Variants in MYCBPAP observed in about 807,000 individuals in gnomAD.
MYCBPAP encodes the protein MYCBP-associated protein.
MYCBPAP carries 60 observed loss-of-function variants against 106.1 expected under a neutral mutation model. The ratio of observed to expected loss-of-function variants is 0.57; its 90% CI spans 0.46 to 0.70. The LOEUF is 0.70. MYCBPAP is among the 30% of genes least tolerant of loss of function. The pLI is 0.00. For synonymous variants in MYCBPAP, 407 were observed against 440.6 expected (o/e 0.92, Z 0.95); for missense variants, 1,064 against 1,169.3 (o/e 0.91, Z 1.31).
chr17:50,524,954 G>A lies in MYCBPAP; in HGVS notation c.1713G>A (p.Pro571=), dbSNP rs777137782. 18 of 1,613,868 alleles carry A rather than the reference G, an allele frequency of 1.1e-5. No individual in the cohort carries two copies. The highest frequency in any genetic ancestry group is 6.7e-5 in the East Asian group (3 of 44,884). Residue 571 remains proline (P), a synonymous_variant, in exon 13 of 19, where the codon CCG becomes CCA. Transcript: ENST00000323776. The stretch of plus-strand genomic sequence containing the variant: ...AGCTGCTGATGGGGGTCTTGACCCC[G>A]GAGCGCACACCATCACCTGTGGATG... ...LQELLMGVLT[P]ERTPSPVDAY...
At chr17:50,513,848 A>G (rs6504663) in intron 1 of MYCBPAP, among the ~76,000 whole-genome samples, 52,561 of 152,058 alleles carry the variant, frequency 0.35, 11,854 homozygotes, top group African/African-American at 0.64. Context: ...AGAAGGGAGA[A>G]GGGAGGTAGA....
chr17:50,524,918 A>C lies in MYCBPAP; in HGVS notation c.1677A>C (p.Glu559Asp), dbSNP rs1376473426. 6.2e-7 allele frequency: 1 copy of C among 1,614,026 alleles called. No individual in the cohort carries two copies. Among genetic ancestry groups the C allele is most frequent in the East Asian group, 2.2e-5 (1 of 44,878 alleles). ...ATGAGGCAGTCACCGTCGTTCGCGA[A>C]GTGCTGCAGGAGCTGCTGATGGGGG... is the stretch of plus-strand genomic sequence containing the variant. ...TAHEAVTVVR[E>D]VLQELLMGVL... is the part of the protein sequence containing the mutation. The change falls in exon 13 of 19, where the codon GAA (glutamate) becomes GAC (aspartate). Residue 559 changes from glutamate to aspartate, a missense_variant. By Grantham distance (45) the Glu-to-Asp change is conservative (BLOSUM62 2). Transcript: ENST00000323776.
rs1567888070 is a variant in MYCBPAP at position 50,519,626 on chromosome 17, T to C, written c.769-14T>C. 1.9e-6 allele frequency: 3 copies of C among 1,613,948 alleles called. No homozygotes were observed. The Admixed American group carries it at 5.0e-5, about 27-fold the overall frequency. The stretch of plus-strand genomic sequence containing the variant: ...GTGTCCTGGTAATCTGACTCACCTT[T>C]CCTTCCTTGCCAGAGCTGGGAGAAC... On this transcript the variant is annotated splice_polypyrimidine_tract_variant and intron_variant, in intron 6 of 18. Transcript: ENST00000323776.
In MYCBPAP at chr17:50,528,281, G is replaced by A. The variant is rs779117410; in HGVS notation, c.2407+11G>A. ...TGCCTGAAGAGCAAGGTCAGATCTT[G>A]TGCAACCAACCACACCTCTGCATAG... On this transcript the variant is annotated intron_variant, in intron 16 of 18. Transcript: ENST00000323776. 4 of 1,603,788 alleles carry A rather than the reference G, an allele frequency of 2.5e-6. No homozygotes were observed. Among genetic ancestry groups the A allele is most frequent in the Non-Finnish European group, 1.7e-6 (2 of 1,172,236 alleles).
chr17:50,520,619 C>T (rs1209264785), intron 7 of MYCBPAP, among the ~76,000 whole-genome samples: 2 of 152,160 alleles, frequency 1.3e-5, no homozygotes, highest in Non-Finnish European at 2.9e-5. Context: ...CTTTCAGTGA[C>T]ACGTGTGGCT....
chr17:50,519,276 T>C (rs1046485241), intron 6 of MYCBPAP, 187 bp downstream of exon 6: 1 of 598,604 alleles, frequency 1.7e-6, no homozygotes, highest in Non-Finnish European at 3.0e-6. Flanking sequence ...GTAAAGTTAT[T>C]CAGCCTGTGG....
At chr17:50,518,806 T>C in intron 5 of MYCBPAP, 82 bp downstream of exon 5, 2 of 1,532,766 alleles carry the variant, frequency 1.3e-6, no homozygotes, top group East Asian at 2.3e-5. Flanking sequence ...CTCCAGAGCC[T>C]GGCCTTGGGC....
intron 1 of MYCBPAP, 140 bp downstream of exon 1, chr17:50,508,890 A>G: frequency 1.2e-6 from 1 of 829,906 alleles, no homozygotes; most frequent in East Asian, 2.6e-5. Context: ...GGTACTGGGC[A>G]TAGGACCCTT....
At chr17:50,509,535 TCTGTG>T (rs2033744707) in intron 1 of MYCBPAP, 1 of 140,850 alleles carries the variant, frequency 7.1e-6, no homozygotes, top group South Asian at 1.1e-4. Flanking sequence ...GCTTTTTTTT[TCTGTG>T]TGTGTGTGTG....
At chr17:50,528,889 A>AGGGGCTGCGGAGGTG in intron 17 of MYCBPAP, 49 bp downstream of exon 17, 2 of 1,508,234 alleles carry the variant, frequency 1.3e-6, no homozygotes, top group Non-Finnish European at 1.8e-6. Context: ...AGGGGATTGG[A>AGGGGCTGCGGAGGTG]GGGGCTGCGG....
At position 50,525,985 on chromosome 17, in the gene MYCBPAP, C is replaced by T. The variant is rs766330950; in HGVS notation, c.1887C>T (p.His629=). Residue 629 remains histidine (H), a synonymous_variant, in exon 14 of 19, where the codon CAC becomes CAT. Coordinates refer to ENST00000323776, the MANE Select transcript of MYCBPAP (RefSeq NM_032133.6). ...AEEARPGDKE[H]VSPIATEKAS... Reference sequence around the variant, plus strand: ...AGGCCAGGCCAGGGGACAAGGAGCACGTCAGCCCCATAGCCACAGAGAAGG... The same window carrying T: ...AGGCCAGGCCAGGGGACAAGGAGCATGTCAGCCCCATAGCCACAGAGAAGG... The T allele has an allele frequency of 1.1e-5, 17 of 1,613,740 alleles. No homozygotes were observed. Among genetic ancestry groups the T allele is most frequent in the Middle Eastern group, 1.6e-4 (1 of 6,084 alleles).
chr17:50,522,331 G>C (rs917209216), intron 10 of MYCBPAP: 1 of 376,782 alleles, frequency 2.7e-6, no homozygotes, highest in South Asian at 3.2e-5. Context: ...ACTCAAGTAG[G>C]TATGGCTCTA....
chr17:50,511,195 G>C (rs949481888), intron 1 of MYCBPAP, among the ~76,000 whole-genome samples: 2 of 151,806 alleles, frequency 1.3e-5, no homozygotes, highest in African/African-American at 4.8e-5. Context: ...TTGTAACCTT[G>C]TGCGATGTTT....
chr17:50,526,285 G>T lies in MYCBPAP; in HGVS notation c.2169+18G>T. The T allele has an allele frequency of 6.4e-7, 1 of 1,574,470 alleles. No homozygotes were observed. ...TCAGAAAGGTGCTTCCAAGACCCTG[G>T]AAGGCAATGGTAGAGAATATTCCTG... On this transcript the variant is annotated intron_variant, in intron 14 of 18. Transcript: ENST00000323776.
chr17:50,524,830 G>A, intron 12 of MYCBPAP, 47 bp from the exon 13 acceptor site: 1 of 1,596,602 alleles, frequency 6.3e-7, no homozygotes, highest in South Asian at 1.1e-5. Context: ...GGATGCATTG[G>A]TTTTGATAGC....
chr17:50,516,596 C>T lies in MYCBPAP; in HGVS notation c.103C>T (p.Gln35Ter), dbSNP rs1376424915. 8 of 1,614,176 alleles carry T rather than the reference C, an allele frequency of 5.0e-6. No homozygotes were observed. The highest frequency in any genetic ancestry group is 3.3e-5 in the Admixed American group (2 of 60,024). ...AAAGAAGCGGGCAAAGGGACCTGAA[C>T]AACCCACACCCACAATTCAGGAAGA... ...KEKKRAKGPEQPTPTIQEEPE... is the reference protein window; with the variant it reads ...KEKKRAKGPE The change falls in exon 2 of 19, where the codon CAA becomes TAA. Residue 35 changes from glutamine to a stop codon, truncating the protein, a stop_gained. Coordinates refer to ENST00000323776, the MANE Select transcript of MYCBPAP (RefSeq NM_032133.6). LOFTEE classifies it high-confidence loss of function.
chr17:50,530,422 GAAGTGGAGGTT>G, intron 18 of MYCBPAP: 1 of 181,368 alleles, frequency 5.5e-6, no homozygotes, highest in Non-Finnish European at 1.2e-5. Flanking sequence ...TTGAACCCGG[GAAGTGGAGGTT>G]GCAGTGAGCC....
At chr17:50,522,772 C>CCAA in intron 10 of MYCBPAP, 167 bp from the exon 11 acceptor site, 1 of 423,804 alleles carries the variant, frequency 2.4e-6, no homozygotes, top group Non-Finnish European at 4.1e-6. Context: ...TCAGAGACAA[C>CCAA]CACGCTGGAG....
intron 14 of MYCBPAP, among the ~76,000 whole-genome samples, chr17:50,526,746 G>A (rs745508659): frequency 4.6e-5 from 7 of 152,216 alleles, no homozygotes; most frequent in Admixed American, 6.5e-5. Context: ...ACCACATCCA[G>A]CTAGTTTTTG....
Sources: allele counts gnomAD v4.1 joint callset (sites outside exome capture counted in the v4.1 genomes callset), GRCh38; gene constraint gnomAD v4.1.1; transcripts MANE v1.5; gene names NCBI Gene and HGNC (gene_info 2026-07-23, HGNC 2026-07-21).